Variants in EVC observed in about 807,000 individuals in gnomAD.
EVC encodes evC complex member EVC.
EVC carries 116 observed loss-of-function variants against 118.9 expected under a neutral mutation model. The observed-to-expected ratio is 0.98, with a 90% CI of 0.84 to 1.14. EVC has a LOEUF of 1.14. Among genes scored for constraint, EVC ranks in the 50% most tolerant of loss-of-function variants. The pLI, the probability that EVC is intolerant of heterozygous loss-of-function variation, is 0.00. For missense variants in EVC, 1,401 were observed against 1,246.4 expected (o/e 1.12, Z -1.87); for synonymous variants, 619 against 534.7 (o/e 1.16, Z -2.18).
intron 17 of EVC, among the ~76,000 whole-genome samples, chr4:5,807,350 C>T (rs545332008): frequency 6.6e-6 from 1 of 152,156 alleles, no homozygotes; most frequent in South Asian, 2.1e-4. Flanking sequence ...AAAGGTGTTA[C>T]TGGCGGACAG....
intron 11 of EVC, among the ~76,000 whole-genome samples, chr4:5,769,664 C>T (rs1733644352): frequency 2.0e-5 from 3 of 152,084 alleles, no homozygotes; most frequent in Admixed American, 2.0e-4. Flanking sequence ...CACAGCCCAC[C>T]TGTTCATTTG....
chr4:5,715,740 C>CCTTTTTTT lies in EVC; in HGVS notation c.175-3508_175-3507insCTTTTTTT, dbSNP rs1553860016. Among the ~76,000 whole-genome samples, 24 of 70,986 alleles carry CCTTTTTTT rather than the reference C, an allele frequency of 3.4e-4. 6 individuals are homozygous for CCTTTTTTT. Among genetic ancestry groups the CCTTTTTTT allele is most frequent in the Admixed American group, 7.7e-4 (5 of 6,462 alleles). The allele number at this position is 70,986 out of a possible 152,430, so 46.6% of individuals were successfully genotyped here. ...AATTTCGAAGGCATTTTTCCATTGT[C>CCTTTTTTT]TTTTTTTTTTTTTTTTTTTTTGAGA... On this transcript the variant is annotated intron_variant, in intron 1 of 20. Transcript: ENST00000264956.
chr4:5,807,673 C>T (rs1374898100), intron 17 of EVC, among the ~76,000 whole-genome samples: 5 of 152,088 alleles, frequency 3.3e-5, no homozygotes, highest in Non-Finnish European at 5.9e-5. Flanking sequence ...CTGCCGTATT[C>T]GGGATTTCCC....
chr4:5,785,890 C>T (rs1736342725), intron 12 of EVC, among the ~76,000 whole-genome samples: 2 of 152,196 alleles, frequency 1.3e-5, no homozygotes, highest in African/African-American at 4.8e-5. Context: ...AATTCATTTA[C>T]AGTCTTTGGG....
intron 5 of EVC, among the ~76,000 whole-genome samples, chr4:5,735,801 G>A (rs1323811565): frequency 6.6e-6 from 1 of 152,142 alleles, no homozygotes; most frequent in Non-Finnish European, 1.5e-5. Flanking sequence ...TGTTAAAGGT[G>A]CTCAGGAGAA....
the EVC span, chr4:5,825,904 CACACACCACGCACACGCACTCACAT>C: frequency 1.9e-6 from 1 of 516,146 alleles, no homozygotes; most frequent in Non-Finnish European, 3.4e-6. This position sits in a 1 kb window ranked among gnomAD's most constrained non-coding sequence, Gnocchi z 4.4. Context: ...CATACAGACG[CACACACCACGCACACGCACTCACAT>C]ACATGCAGTC....
At chr4:5,718,137 A>G (rs1171391064) in intron 1 of EVC, among the ~76,000 whole-genome samples, 2 of 152,206 alleles carry the variant, frequency 1.3e-5, no homozygotes, top group African/African-American at 4.8e-5. Flanking sequence ...TACTCTCCTT[A>G]TTCATGGTAG....
chr4:5,793,858 T>A (rs1713258194), intron 13 of EVC, 141 bp downstream of exon 13: 1 of 716,014 alleles, frequency 1.4e-6, no homozygotes, highest in African/African-American at 1.7e-5. Flanking sequence ...TTTCTTAGCC[T>A]CGATTTCCTC....
At chr4:5,790,180 CAAAA>C (rs35158259) in intron 12 of EVC, among the ~76,000 whole-genome samples, 2 of 112,224 alleles carry the variant, frequency 1.8e-5, no homozygotes, top group African/African-American at 3.6e-5. Flanking sequence ...GACTCCATCT[CAAAA>C]AAAAAAAAAA....
intron 2 of EVC, among the ~76,000 whole-genome samples, chr4:5,723,835 A>G (rs75034733): frequency 0.032 from 4,800 of 152,070 alleles, 263 homozygotes; most frequent in African/African-American, 0.11. Context: ...TCATTTTGCA[A>G]TGGACTCTGC....
downstream of EVC, among the ~76,000 whole-genome samples, chr4:5,818,050 G>T (rs1342437713): frequency 6.6e-6 from 1 of 152,124 alleles, no homozygotes; most frequent in Non-Finnish European, 1.5e-5. Flanking sequence ...CCATAATTCC[G>T]TGATGTGGGA....
intron 17 of EVC, among the ~76,000 whole-genome samples, chr4:5,806,485 C>T (rs968022251): frequency 3.3e-5 from 5 of 152,044 alleles, no homozygotes; most frequent in African/African-American, 1.2e-4. Flanking sequence ...AAGAAAATGG[C>T]CTCCAGTTCC....
At chr4:5,788,554 C>T (rs555063181) in intron 12 of EVC, among the ~76,000 whole-genome samples, 36 of 152,330 alleles carry the variant, frequency 2.4e-4, no homozygotes, top group African/African-American at 8.7e-4. Context: ...ACCTGCCTTA[C>T]CCACAGCCTT....
rs199916502 is a variant in EVC, at chr4:5,748,190, C to T, written c.982C>T (p.Leu328Phe). 117 of 1,614,228 alleles carry T rather than the reference C, an allele frequency of 7.2e-5. 1 individual carries two copies. In the East Asian group the frequency reaches 2.5e-3, roughly 34 times the overall value. Residue 328 changes from leucine to phenylalanine, a missense_variant, in exon 8 of 21, where the codon CTT (leucine) becomes TTT (phenylalanine). Physicochemically the swap from Leu to Phe is conservative, Grantham distance 22. Coordinates refer to ENST00000264956, the MANE Select transcript of EVC (RefSeq NM_153717.3). ...ACAGATGGCAAATATCCAGCACTTT[C>T]TTGTGGACCAGTTTAAGTGTTCCAG... ...WKQMANIQHFLVDQFKCSSSK... is the reference protein window; with the variant it reads ...WKQMANIQHFFVDQFKCSSSK...
intron 5 of EVC, among the ~76,000 whole-genome samples, chr4:5,740,578 G>A (rs561352982): frequency 1.1e-4 from 16 of 151,866 alleles, no homozygotes; most frequent in Non-Finnish European, 1.5e-5. Flanking sequence ...CACACAGAAG[G>A]AAAAATTAAC....
At position 5,789,141 on chromosome 4, in the gene EVC, T is replaced by C. The variant is rs1246497111; in HGVS notation, c.1777-4467T>C. On this transcript the variant is annotated intron_variant, in intron 12 of 20. Transcript: ENST00000264956. The surrounding 1 kb of genome is among the most constrained non-coding windows in gnomAD (Gnocchi z 4.3). ...GAAATAATTGGGCATCTTACAGTCGTCAGCACAATAGATTTGATAGGGAAC... is the reference window on the plus strand; with the variant it reads ...GAAATAATTGGGCATCTTACAGTCGCCAGCACAATAGATTTGATAGGGAAC... Among the ~76,000 whole-genome samples, 1 of 152,216 alleles carries C rather than the reference T, an allele frequency of 6.6e-6. No individual in the cohort carries two copies. Among genetic ancestry groups the C allele is most frequent in the Admixed American group, 6.5e-5 (1 of 15,280 alleles).
At chr4:5,725,493 C>T (rs958110367) in intron 2 of EVC, among the ~76,000 whole-genome samples, 3 of 152,076 alleles carry the variant, frequency 2.0e-5, no homozygotes, top group Non-Finnish European at 2.9e-5. Context: ...AGCTTTTTTT[C>T]ATATGTTTGG....
At chr4:5,750,863 C>T (rs191341040) in intron 8 of EVC, among the ~76,000 whole-genome samples, 27 of 152,200 alleles carry the variant, frequency 1.8e-4, no homozygotes, top group Admixed American at 6.5e-5. Context: ...GCCTGCATAC[C>T]GGGCACCAAA....
At chr4:5,713,676 C>CA (rs35032068) in intron 1 of EVC, among the ~76,000 whole-genome samples, 34,302 of 71,694 alleles carry the variant, frequency 0.48, 8,265 homozygotes, top group African/African-American at 0.49. Flanking sequence ...GGCTCCGTCT[C>CA]AAAAAAAAAA....
Sources: gnomAD v4.1 joint callset for allele counts (sites outside exome capture counted in the v4.1 genomes callset) on GRCh38, gnomAD v4.1.1 for gene constraint, Gnocchi (gnomAD v3.1) non-coding constraint, MANE v1.5 for transcripts, NCBI Gene and HGNC (gene_info 2026-07-23, HGNC 2026-07-21) for gene names.